Variants in LDLRAD3 observed in about 807,000 individuals in gnomAD.
LDLRAD3 encodes low-density lipoprotein receptor class A domain-containing protein 3.
Under a neutral mutation model 29.4 loss-of-function variants are expected in LDLRAD3, and 20 were observed. The observed-to-expected ratio is 0.68, with a 90% CI of 0.48 to 0.99. The LOEUF (loss-of-function observed/expected upper bound fraction) is 0.99, where lower values mean the gene tolerates loss of function less well. LDLRAD3 is among the 50% of genes least tolerant of loss of function. The pLI is 0.00. For missense variants in LDLRAD3, 420 were observed against 454.3 expected, an observed-to-expected ratio of 0.92 and a Z score of 0.69; for synonymous variants, 157 against 192.7, an observed-to-expected ratio of 0.81 and a Z score of 1.53.
intron 1 of LDLRAD3, chr11:35,966,952 AG>A (rs1436371242): frequency 6.4e-6 from 1 of 156,644 alleles, no homozygotes; most frequent in African/African-American, 2.4e-5. Flanking sequence ...GATCCTTGGT[AG>A]GGCAACCTCC....
intron 3 of LDLRAD3, 92 bp from the exon 4 acceptor site, chr11:36,098,235 G>C: frequency 1.4e-6 from 2 of 1,480,824 alleles, no homozygotes; most frequent in East Asian, 2.3e-5. Context: ...ACTGCTTCCT[G>C]AGCGGGACAC....
chr11:36,029,706 G>GC (rs1464568946), intron 1 of LDLRAD3, among the ~76,000 whole-genome samples: 1 of 152,112 alleles, frequency 6.6e-6, no homozygotes, highest in Non-Finnish European at 1.5e-5. Flanking sequence ...CTCTTTGCTT[G>GC]CCCCATTAAT....
intron 2 of LDLRAD3, among the ~76,000 whole-genome samples, chr11:36,076,341 G>A (rs962182267): frequency 3.3e-5 from 5 of 151,558 alleles, no homozygotes; most frequent in Non-Finnish European, 5.9e-5. Flanking sequence ...TGGAAATTTT[G>A]GTTCAGTTTC....
intron 2 of LDLRAD3, among the ~76,000 whole-genome samples, chr11:36,058,892 G>A (rs958199789): frequency 6.6e-6 from 1 of 152,166 alleles, no homozygotes; most frequent in African/African-American, 2.4e-5. Context: ...CTGAGGTTGA[G>A]GAACCCTGAT....
intron 4 of LDLRAD3, among the ~76,000 whole-genome samples, chr11:36,154,652 C>T (rs897376840): frequency 2.6e-5 from 4 of 152,184 alleles, no homozygotes; most frequent in African/African-American, 7.2e-5. Flanking sequence ...CCATGCAAAC[C>T]CATTTCAGAA....
intron 4 of LDLRAD3, among the ~76,000 whole-genome samples, chr11:36,187,671 C>T: frequency 6.6e-6 from 1 of 152,172 alleles, no homozygotes; most frequent in East Asian, 1.9e-4. Context: ...ATCTTGGATT[C>T]TGGGTGTGTT....
chr11:36,075,063 T>G (rs1852974114), intron 2 of LDLRAD3, among the ~76,000 whole-genome samples: 1 of 152,058 alleles, frequency 6.6e-6, no homozygotes, highest in Non-Finnish European at 1.5e-5. Context: ...GTGCAGACAG[T>G]GTAGTTGATG....
chr11:35,979,660 C>T (rs1018502540), intron 1 of LDLRAD3, among the ~76,000 whole-genome samples: 15 of 152,176 alleles, frequency 9.9e-5, no homozygotes, highest in Non-Finnish European at 2.1e-4. Context: ...TTTGCCTCTT[C>T]TGAAGACATT....
At chr11:36,023,356 G>A (rs1565168290) in intron 1 of LDLRAD3, among the ~76,000 whole-genome samples, 1 of 152,254 alleles carries the variant, frequency 6.6e-6, no homozygotes, top group East Asian at 1.9e-4. Context: ...TGTTGCAGGG[G>A]GCCATGGGGA....
At chr11:35,974,636 C>A (rs1037806208) in intron 1 of LDLRAD3, among the ~76,000 whole-genome samples, 2 of 152,230 alleles carry the variant, frequency 1.3e-5, no homozygotes, top group Admixed American at 6.5e-5. Flanking sequence ...GCCTCATTTT[C>A]TTGCTGGCTG....
At chr11:35,990,907 C>CT (rs1468227852) in intron 1 of LDLRAD3, among the ~76,000 whole-genome samples, 8 of 152,208 alleles carry the variant, frequency 5.3e-5, no homozygotes, top group Admixed American at 1.3e-4. Flanking sequence ...TTGAACATAT[C>CT]TTTTTGGGAG....
chr11:36,014,457 T>C (rs1268868855), intron 1 of LDLRAD3, among the ~76,000 whole-genome samples: 1 of 152,220 alleles, frequency 6.6e-6, no homozygotes, highest in Non-Finnish European at 1.5e-5. Flanking sequence ...GGGTGCAGTA[T>C]GGGATGTGCA....
intron 3 of LDLRAD3, among the ~76,000 whole-genome samples, chr11:36,097,149 C>T (rs1853372698): frequency 6.6e-6 from 1 of 152,166 alleles, no homozygotes; most frequent in African/African-American, 2.4e-5. Context: ...CAGAAAGTGC[C>T]TAGAATAGGA....
At chr11:36,018,448 A>G (rs1307050997) in intron 1 of LDLRAD3, among the ~76,000 whole-genome samples, 4 of 152,150 alleles carry the variant, frequency 2.6e-5, no homozygotes, top group Non-Finnish European at 5.9e-5. Context: ...CATAATATGC[A>G]TTTTCACAAA....
chr11:36,034,620 G>T lies in LDLRAD3; in HGVS notation c.47-1483G>T, dbSNP rs139110051. On this transcript the variant is annotated intron_variant, in intron 1 of 5. Transcript: ENST00000315571. ...AGGGAAATTCCATGCAACAAGGCCG[G>T]TGGGGTGTTGCTTGCCTGTGACGGT... is the stretch of plus-strand genomic sequence containing the variant. 6.6e-5 allele frequency among the ~76,000 whole-genome samples: 10 copies of T among 152,328 alleles called. No individual in the cohort carries two copies. In the East Asian group the frequency reaches 1.7e-3, roughly 26 times the overall value.
At position 36,148,061 on chromosome 11, in the gene LDLRAD3, G is replaced by A. The variant is rs1854224067; in HGVS notation, c.454+49600G>A. 3.3e-5 allele frequency among the ~76,000 whole-genome samples: 5 copies of A among 152,042 alleles called. No homozygotes were observed. The South Asian group carries it at 1.0e-3, about 32-fold the overall frequency. On this transcript the variant is annotated intron_variant, in intron 4 of 5. Coordinates refer to ENST00000315571, the MANE Select transcript of LDLRAD3 (RefSeq NM_174902.4). ...AATGGTTGTATTGTTAGTAGAGACG[G>A]GGTTTCACCATGTTGGCCAGGCTGG...
intron 4 of LDLRAD3, among the ~76,000 whole-genome samples, chr11:36,159,625 A>T (rs11033471): frequency 0.034 from 4,578 of 132,864 alleles, 281 homozygotes; most frequent in African/African-American, 0.11. Flanking sequence ...AAAAAAAAAA[A>T]AGCCAGATGT....
intron 2 of LDLRAD3, among the ~76,000 whole-genome samples, chr11:36,053,999 C>T (rs79983432): frequency 0.02 from 3,018 of 152,278 alleles, 92 homozygotes; most frequent in African/African-American, 0.069. Flanking sequence ...AAAACATAAA[C>T]TGTGGATTGT....
chr11:35,998,367 C>T (rs1409484197), intron 1 of LDLRAD3, among the ~76,000 whole-genome samples: 4 of 152,142 alleles, frequency 2.6e-5, no homozygotes, highest in Admixed American at 1.3e-4. Context: ...ATTGGATGCA[C>T]CCATGAAGTA....
Sources: allele counts gnomAD v4.1 joint callset (sites outside exome capture counted in the v4.1 genomes callset), GRCh38; gene constraint gnomAD v4.1.1; transcripts MANE v1.5; gene names NCBI Gene and HGNC (gene_info 2026-07-23, HGNC 2026-07-21).